SLC17A8: variants seen among roughly 807,000 people sequenced by gnomAD.
SLC17A8 encodes vesicular glutamate transporter 3.
Under a neutral mutation model 58.0 loss-of-function variants are expected in SLC17A8, and 31 were observed. That is an observed-to-expected ratio of 0.53 (90% CI 0.40 to 0.72). The LOEUF (loss-of-function observed/expected upper bound fraction) is 0.72. SLC17A8 is among the 30% of genes least tolerant of loss of function. The pLI is 0.00. For synonymous variants in SLC17A8, 228 were observed against 249.0 expected (o/e 0.92, Z 0.79); for missense variants, 655 against 727.8 (o/e 0.90, Z 1.15).
chr12:100,364,849 A>G (rs898149366), intron 1 of SLC17A8, among the ~76,000 whole-genome samples: 1 of 152,170 alleles, frequency 6.6e-6, no homozygotes, highest in Non-Finnish European at 1.5e-5. Flanking sequence ...AACTCTGCCT[A>G]TTGGGAGGCT....
chr12:100,366,395 C>A (rs767259261), intron 1 of SLC17A8, among the ~76,000 whole-genome samples: 3 of 152,140 alleles, frequency 2.0e-5, no homozygotes, highest in African/African-American at 7.2e-5. Flanking sequence ...CACTATGAGA[C>A]GATCCTGTGC....
chr12:100,401,923 AT>A, intron 6 of SLC17A8, 60 bp downstream of exon 6: 4 of 1,341,224 alleles, frequency 3.0e-6, no homozygotes. Flanking sequence ...TTTACTGCAT[AT>A]GGGTTTGGCT....
At chr12:100,413,674 G>A (rs1481796676) in intron 10 of SLC17A8, among the ~76,000 whole-genome samples, 1 of 152,130 alleles carries the variant, frequency 6.6e-6, no homozygotes, top group Admixed American at 6.6e-5. Context: ...TTAAAACATC[G>A]TAATAAGAAT....
chr12:100,401,146 C>T (rs545854367), intron 5 of SLC17A8, among the ~76,000 whole-genome samples: 23 of 151,756 alleles, frequency 1.5e-4, no homozygotes, highest in Non-Finnish European at 3.1e-4. Flanking sequence ...TACAGGCACG[C>T]GCCACCATGC....
chr12:100,373,386 A>T (rs939457338), intron 1 of SLC17A8, among the ~76,000 whole-genome samples: 4 of 151,786 alleles, frequency 2.6e-5, no homozygotes, highest in Non-Finnish European at 5.9e-5. Flanking sequence ...GGGCAGGATG[A>T]ATAGATCCTT....
intron 10 of SLC17A8, among the ~76,000 whole-genome samples, chr12:100,415,263 C>G (rs543813502): frequency 6.6e-6 from 1 of 151,840 alleles, no homozygotes; most frequent in South Asian, 2.1e-4. Context: ...ATCAGGAGTT[C>G]GAGACCAACC....
At position 100,420,007 on chromosome 12, in the gene SLC17A8, G is replaced by A. The variant is rs1443008912; in HGVS notation, c.1618G>A (p.Ala540Thr). ...GATAGAACTCAACCATGAGAGTTTT[G>A]CGAGTCCCAAAAAGAAGATGTCTTA... The part of the protein sequence containing the change: ...EEIELNHESF[A>T]SPKKKMSYGA... Residue 540 changes from alanine to threonine, a missense_variant, in exon 12 of 12, where the codon GCG becomes ACG. By Grantham distance (58) the Ala-to-Thr change is moderately conservative. Coordinates refer to ENST00000323346, the MANE Select transcript of SLC17A8 (RefSeq NM_139319.3). The A allele has an allele frequency of 6.2e-7, 1 of 1,613,994 alleles. No homozygotes were observed. Among genetic ancestry groups the A allele is most frequent in the East Asian group, 2.2e-5 (1 of 44,884 alleles).
At chr12:100,365,069 G>C (rs1952510754) in intron 1 of SLC17A8, among the ~76,000 whole-genome samples, 1 of 152,174 alleles carries the variant, frequency 6.6e-6, no homozygotes, top group Non-Finnish European at 1.5e-5. Context: ...TCTGACATGG[G>C]ATTACTTGTG....
chr12:100,409,842 G>T (rs1952853800), intron 9 of SLC17A8, among the ~76,000 whole-genome samples: 1 of 152,216 alleles, frequency 6.6e-6, no homozygotes, highest in Non-Finnish European at 1.5e-5. Flanking sequence ...TATGTCTGTG[G>T]CACAGAGGGC....
Position 100,415,800 on chromosome 12 carries a change from T to G in SLC17A8, c.1298-2229T>G, listed in dbSNP as rs143292795. On this transcript the variant is annotated intron_variant, in intron 10 of 11. Transcript: ENST00000323346. Reference sequence around the variant, plus strand: ...CCTTGATGAGAAAGGTATTGCTATATTCACTTTATTGGTGGGGAAACCAAA... The same window carrying G: ...CCTTGATGAGAAAGGTATTGCTATAGTCACTTTATTGGTGGGGAAACCAAA... Among the ~76,000 whole-genome samples, 940 of 152,334 alleles carry G rather than the reference T, an allele frequency of 6.2e-3. 7 individuals carry two copies. The highest frequency in any genetic ancestry group is 0.011 in the Non-Finnish European group (755 of 68,026).
intron 2 of SLC17A8, among the ~76,000 whole-genome samples, chr12:100,387,595 T>C (rs1458517462): frequency 6.6e-6 from 1 of 152,164 alleles, no homozygotes; most frequent in African/African-American, 2.4e-5. Context: ...AGCAGCTGGT[T>C]GAAGTGGGAG....
chr12:100,395,758 A>G (rs1952749161), intron 4 of SLC17A8, among the ~76,000 whole-genome samples: 1 of 152,064 alleles, frequency 6.6e-6, no homozygotes, highest in African/African-American at 2.4e-5. Context: ...GATTACAGGC[A>G]TGCACCACCA....
intron 9 of SLC17A8, among the ~76,000 whole-genome samples, chr12:100,411,474 C>G (rs976900962): frequency 1.3e-5 from 2 of 152,000 alleles, no homozygotes. Flanking sequence ...GAGCAAGACT[C>G]TGTCTCAAAG....
intron 4 of SLC17A8, 125 bp from the exon 5 acceptor site, chr12:100,396,205 C>A: frequency 1.3e-6 from 1 of 770,742 alleles, no homozygotes; most frequent in Non-Finnish European, 2.3e-6. Context: ...AAACATTCAA[C>A]CTACAACAGT....
rs376350311 is a variant in SLC17A8, at chr12:100,380,822, C to A, written c.223C>A (p.Arg75Ser). The A allele has an allele frequency of 6.2e-7, 1 of 1,614,112 alleles. No individual in the cohort carries two copies. Among genetic ancestry groups the A allele is most frequent in the Admixed American group, 1.7e-5 (1 of 60,008 alleles). The stretch of plus-strand genomic sequence containing the variant: ...CTGCCACTGCTGCGGCCTCCCCAAG[C>A]GTTACATCATTGCTATCATGAGTGG... ...CDCHCCGLPK[R>S]YIIAIMSGLG... The change falls in exon 2 of 12, where the codon CGT becomes AGT. Residue 75 changes from arginine to serine, a missense_variant. Transcript: ENST00000323346.
At chr12:100,360,929 T>C (rs1952480248) in intron 1 of SLC17A8, among the ~76,000 whole-genome samples, 1 of 152,148 alleles carries the variant, frequency 6.6e-6, no homozygotes, top group Non-Finnish European at 1.5e-5. Flanking sequence ...GGGAGTCTGG[T>C]CTCCTTACAA....
At chr12:100,385,586 G>T (rs1048543418) in intron 2 of SLC17A8, among the ~76,000 whole-genome samples, 34 of 152,080 alleles carry the variant, frequency 2.2e-4, no homozygotes, top group African/African-American at 7.5e-4. Context: ...GTAGTCAGTC[G>T]GGGAGAATCC....
chr12:100,357,919 T>C (rs1406480521), intron 1 of SLC17A8, among the ~76,000 whole-genome samples: 1 of 152,220 alleles, frequency 6.6e-6, no homozygotes, highest in Non-Finnish European at 1.5e-5. Context: ...TTTTAGCTTA[T>C]TTAATAAAAT....
At chr12:100,407,808 G>A (rs371494911) in intron 9 of SLC17A8, among the ~76,000 whole-genome samples, 6 of 151,960 alleles carry the variant, frequency 3.9e-5, no homozygotes, top group South Asian at 4.2e-4. Context: ...GGGTTTCACC[G>A]TGTTAGCCAG....
Sources: gnomAD v4.1 joint callset for allele counts (sites outside exome capture counted in the v4.1 genomes callset) on GRCh38, gnomAD v4.1.1 for gene constraint, MANE v1.5 for transcripts, NCBI Gene and HGNC (gene_info 2026-07-23, HGNC 2026-07-21) for gene names.